The following AFAP1L2 variants were observed in gnomAD, a reference collection of about 807,000 sequenced individuals.
The protein encoded by AFAP1L2 is actin filament associated protein 1 like 2, also known as actin filament-associated protein 1-like 2.
AFAP1L2 carries 46 observed loss-of-function variants against 99.3 expected under a neutral mutation model. The observed-to-expected ratio is 0.46, with a 90% CI of 0.37 to 0.59. The LOEUF is 0.59. Among genes scored for constraint, AFAP1L2 ranks in the 20% least tolerant of loss-of-function variants. AFAP1L2 has a pLI of 0.00. For missense variants in AFAP1L2, 959 were observed against 1,034.9 expected, an observed-to-expected ratio of 0.93 and a Z score of 1.01; for synonymous variants, 397 against 419.1, an observed-to-expected ratio of 0.95 and a Z score of 0.64.
Position 114,302,448 on chromosome 10 carries a change from G to A in AFAP1L2, c.1321C>T (p.Leu441Phe), listed in dbSNP as rs1174020555. 1 of 1,614,140 alleles carries A rather than the reference G, an allele frequency of 6.2e-7. No homozygotes were observed. Among genetic ancestry groups the A allele is most frequent in the Admixed American group, 1.7e-5 (1 of 60,026 alleles). The change falls in exon 12 of 19, where the codon CTC becomes TTC. Residue 441 changes from leucine to phenylalanine, a missense_variant. Transcript: ENST00000304129. Reference sequence around the variant, plus strand: ...TTGGAGCCTGACTCAGAGAGCAGGAGACCCAGCCAGTGGCCCATTTCCTCG... The same window carrying A: ...TTGGAGCCTGACTCAGAGAGCAGGAAACCCAGCCAGTGGCCCATTTCCTCG... ...SSEEMGHWLG[L>F]LLSESGSKTD... is the part of the protein sequence containing the mutation.
Position 114,304,754 on chromosome 10 carries a change from T to C in AFAP1L2, c.1249A>G (p.Ile417Val). 2 of 1,611,860 alleles carry C rather than the reference T, an allele frequency of 1.2e-6. No homozygotes were observed. The highest frequency in any genetic ancestry group is 1.7e-6 in the Non-Finnish European group (2 of 1,179,842). ...PSPDHLYSFRILHKGEELAKL... is the reference protein window; with the variant it reads ...PSPDHLYSFRVLHKGEELAKL... ...GCCAGCTCCTCGCCCTTGTGGAGGA[T>C]GCGGAAGGAGTAGAGGTGGTCGGGG... Residue 417 changes from isoleucine to valine, a missense_variant, in exon 11 of 19, where the codon ATC becomes GTC. By Grantham distance (29) the Ile-to-Val change is conservative. Coordinates refer to ENST00000304129, the MANE Select transcript of AFAP1L2 (RefSeq NM_001001936.3).
Position 114,296,964 on chromosome 10 carries a change from G to A in AFAP1L2, c.2430+14C>T. The A allele has an allele frequency of 2.5e-6, 4 of 1,614,076 alleles. No individual in the cohort carries two copies. Among genetic ancestry groups the A allele is most frequent in the Non-Finnish European group, 3.4e-6 (4 of 1,180,004 alleles). On this transcript the variant is annotated intron_variant, in intron 18 of 18. Coordinates refer to ENST00000304129, the MANE Select transcript of AFAP1L2 (RefSeq NM_001001936.3). ...TTCTGCTGGCCCCAAGGGAGGCTGG[G>A]AGTGACTGCTTACCTTGGCTTTCTG... is the stretch of plus-strand genomic sequence containing the variant.
At chr10:114,382,638 G>A (rs553679825) in intron 1 of AFAP1L2, among the ~76,000 whole-genome samples, 1 of 125,526 alleles carries the variant, frequency 8.0e-6, no homozygotes, top group Non-Finnish European at 1.6e-5. Context: ...TTGTTGCCCA[G>A]GCTGGAGTGC....
intron 3 of AFAP1L2, 52 bp from the exon 4 acceptor site, chr10:114,331,949 A>C (rs903496421): frequency 8.5e-7 from 1 of 1,178,748 alleles, no homozygotes. Flanking sequence ...AGCCTTACAC[A>C]GGGTCTCCTT....
chr10:114,384,041 A>G (rs945093), intron 1 of AFAP1L2, among the ~76,000 whole-genome samples: 138,943 of 151,842 alleles, frequency 0.92, 63,984 homozygotes, highest in East Asian at 1. Context: ...ATCCAATGAC[A>G]AAGGATGCAA....
intron 13 of AFAP1L2, among the ~76,000 whole-genome samples, chr10:114,301,031 G>A (rs1180551328): frequency 2.6e-5 from 4 of 152,158 alleles, no homozygotes; most frequent in Non-Finnish European, 5.9e-5. Flanking sequence ...CCATCGGTGT[G>A]ATCATCCCAC....
intron 16 of AFAP1L2, among the ~76,000 whole-genome samples, chr10:114,297,720 A>G (rs1288403728): frequency 2.0e-5 from 3 of 152,178 alleles, no homozygotes; most frequent in Admixed American, 6.5e-5. Context: ...CAGTGACCCA[A>G]AAGGGTGAGG....
At chr10:114,315,876 C>T (rs556789346) in intron 5 of AFAP1L2, 111 bp from the exon 6 acceptor site, 30 of 1,076,130 alleles carry the variant, frequency 2.8e-5, no homozygotes, top group Admixed American at 1.1e-4. Context: ...CCACAGCCCC[C>T]GACTCTCCCT....
chr10:114,374,117 C>T (rs2054496387), intron 1 of AFAP1L2, among the ~76,000 whole-genome samples: 2 of 152,160 alleles, frequency 1.3e-5, no homozygotes, highest in South Asian at 4.1e-4. Flanking sequence ...TCTCACTCCT[C>T]CTCTGTTGCT....
chr10:114,285,010 G>A, the AFAP1L2 span: 1 of 1,486,120 alleles, frequency 6.7e-7, no homozygotes, highest in South Asian at 1.3e-5. Flanking sequence ...CCACTGGGGA[G>A]CAAGAAGAGG....
chr10:114,319,931 G>A (rs770504497), intron 5 of AFAP1L2, among the ~76,000 whole-genome samples: 12 of 152,170 alleles, frequency 7.9e-5, no homozygotes, highest in Admixed American at 3.3e-4. Flanking sequence ...CGTGACTTCC[G>A]GCTGGTGCTG....
intron 7 of AFAP1L2, 24 bp downstream of exon 7, chr10:114,313,847 C>T (rs1265778757): frequency 1.9e-6 from 3 of 1,575,414 alleles, no homozygotes; most frequent in Non-Finnish European, 2.6e-6. Flanking sequence ...GGAACCCCTC[C>T]AAGTGGCTCG....
chr10:114,379,732 A>G (rs950578127), intron 1 of AFAP1L2, among the ~76,000 whole-genome samples: 1 of 152,212 alleles, frequency 6.6e-6, no homozygotes, highest in Non-Finnish European at 1.5e-5. Context: ...CTTCCAGGGC[A>G]GTCATATGAT....
chr10:114,332,222 C>T (rs2047347259), intron 3 of AFAP1L2, among the ~76,000 whole-genome samples: 1 of 152,198 alleles, frequency 6.6e-6, no homozygotes. Flanking sequence ...CCACTCTCAG[C>T]ATGGACCCTG....
Position 114,295,996 on chromosome 10 carries a change from A to G in AFAP1L2, c.*46T>C, listed in dbSNP as rs771120928. The G allele has an allele frequency of 1.2e-6, 2 of 1,613,902 alleles. No individual in the cohort carries two copies. Among genetic ancestry groups the G allele is most frequent in the Non-Finnish European group, 1.7e-6 (2 of 1,179,926 alleles). On this transcript the variant is annotated 3_prime_UTR_variant, in exon 19 of 19. Transcript: ENST00000304129. ...TTTGCTTTAACAAAGCAGGATTGTC[A>G]CCAAGGTCCACATTGACATGAGAGT...
intron 1 of AFAP1L2, among the ~76,000 whole-genome samples, chr10:114,387,251 T>C (rs1027463290): frequency 6.6e-6 from 1 of 152,212 alleles, no homozygotes; most frequent in Admixed American, 6.5e-5. Context: ...CTTTTATGCA[T>C]AGTTTTTCAT....
intron 1 of AFAP1L2, among the ~76,000 whole-genome samples, chr10:114,379,687 C>T (rs1186607402): frequency 6.6e-6 from 1 of 152,096 alleles, no homozygotes; most frequent in African/African-American, 2.4e-5. Context: ...TTTTATGTTC[C>T]GCATGGGTTT....
intron 5 of AFAP1L2, among the ~76,000 whole-genome samples, chr10:114,316,526 T>C (rs1449073907): frequency 1.3e-5 from 2 of 152,184 alleles, no homozygotes; most frequent in Non-Finnish European, 2.9e-5. Context: ...TACTAGTGTC[T>C]AACTTAAACC....
chr10:114,311,344 C>T lies in AFAP1L2; in HGVS notation c.793-901G>A, dbSNP rs186711397. Among the ~76,000 whole-genome samples the T allele has an allele frequency of 2.7e-4, 41 of 151,242 alleles. No individual in the cohort carries two copies. In the East Asian group the frequency reaches 3.3e-3, roughly 12 times the overall value. ...TACCCACCTGGAAGCCCTTTGGAAACGCAGAATTAGTTAGAGTGATTTCAT... is the reference window on the plus strand; with the variant it reads ...TACCCACCTGGAAGCCCTTTGGAAATGCAGAATTAGTTAGAGTGATTTCAT... On this transcript the variant is annotated intron_variant, in intron 7 of 18. Transcript: ENST00000304129.
Sources: allele counts gnomAD v4.1 joint callset (sites outside exome capture counted in the v4.1 genomes callset), GRCh38; gene constraint gnomAD v4.1.1; transcripts MANE v1.5; gene names NCBI Gene and HGNC (gene_info 2026-07-23, HGNC 2026-07-21).